TBX4: variants seen among roughly 807,000 people sequenced by gnomAD.
The protein encoded by TBX4 is T-box transcription factor TBX4.
TBX4 carries 13 observed loss-of-function variants against 54.6 expected under a neutral mutation model. That is an observed-to-expected ratio of 0.24 (90% CI 0.15 to 0.38). The LOEUF is 0.38. Ranked by LOEUF, TBX4 falls within the 10% of genes least tolerant of loss-of-function variation. The probability of loss-of-function intolerance (pLI) is 1.00; values close to 1 mark genes in which losing one functional copy is unlikely to be tolerated. For missense variants in TBX4, 631 were observed against 728.5 expected (o/e 0.87, Z 1.54); for synonymous variants, 314 against 306.7 (o/e 1.02, Z -0.25).
rs1040282861 is a variant in TBX4, at chr17:61,457,934, G to T, written c.281+303G>T. Among the ~76,000 whole-genome samples the T allele has an allele frequency of 9.9e-5, 15 of 152,246 alleles. No individual in the cohort carries two copies. The highest frequency in any genetic ancestry group is 5.9e-5 in the Non-Finnish European group (4 of 68,052). The stretch of plus-strand genomic sequence containing the variant: ...TCCAGCACTTTTGGCCCCCTGGGGG[G>T]CTGCTTTGCCCTCCTCTCTTTGAGG... On this transcript the variant is annotated intron_variant, in intron 3 of 8. Transcript: ENST00000644296. This position sits in a 1 kb window ranked among gnomAD's most constrained non-coding sequence, Gnocchi z 8.2.
Position 61,481,899 on chromosome 17 carries a change from T to A in TBX4, c.1022-998T>A, listed in dbSNP as rs1014631584. On this transcript the variant is annotated intron_variant, in intron 8 of 8. Coordinates refer to ENST00000644296, the MANE Select transcript of TBX4 (RefSeq NM_001321120.2). This position sits in a 1 kb window ranked among gnomAD's most constrained non-coding sequence, Gnocchi z 4.8. ...CTCCTGCCTCAGCCTCCCCAGTAGCTGAGATTACAGGTGTATGCCACCATG... is the reference window on the plus strand; with the variant it reads ...CTCCTGCCTCAGCCTCCCCAGTAGCAGAGATTACAGGTGTATGCCACCATG... 6.6e-6 allele frequency: 1 copy of A among 152,318 alleles called. No homozygotes were observed. Among genetic ancestry groups the A allele is most frequent in the Non-Finnish European group, 1.5e-5 (1 of 68,116 alleles). The allele number at this position is 152,318 out of a possible 1,614,324, so 9.4% of individuals were successfully genotyped here. A position where few individuals can be genotyped will look rare whatever the true frequency, so the allele number is the denominator to read the frequency against.
chr17:61,480,026 C>G lies in TBX4; in HGVS notation c.791+57C>G. On this transcript the variant is annotated intron_variant, in intron 7 of 8. Coordinates refer to ENST00000644296, the MANE Select transcript of TBX4 (RefSeq NM_001321120.2). The surrounding 1 kb of genome is among the most constrained non-coding windows in gnomAD (Gnocchi z 6.2). ...CAGATGGGATTCAGGCACGTGGCCT[C>G]TGTGACCCTCGATGTATCTTCACTC... The G allele has an allele frequency of 2.5e-6, 4 of 1,612,392 alleles. No individual in the cohort carries two copies. The highest frequency in any genetic ancestry group is 3.4e-6 in the Non-Finnish European group (4 of 1,178,498).
chr17:61,454,857 G>T lies in TBX4; in HGVS notation c.-3-1631G>T, dbSNP rs187249003. Among the ~76,000 whole-genome samples the T allele has an allele frequency of 1.8e-3, 275 of 152,360 alleles. 2 individuals carry two copies. Among genetic ancestry groups the T allele is most frequent in the African/African-American group, 6.4e-3 (265 of 41,584 alleles). Reference sequence around the variant, plus strand: ...CAAGCGCGAGACGGCCCCTCCTTGCGACCCCGCAGGCCGCCACATCTGGGA... The same window carrying T: ...CAAGCGCGAGACGGCCCCTCCTTGCTACCCCGCAGGCCGCCACATCTGGGA... On this transcript the variant is annotated intron_variant, in intron 1 of 8. Transcript: ENST00000644296.
rs1273533397 is a variant in TBX4 at position 61,478,238 on chromosome 17, TCAAA to T, written c.550-386_550-383del. On this transcript the variant is annotated intron_variant, in intron 5 of 8. Transcript: ENST00000644296. The surrounding 1 kb of genome is among the most constrained non-coding windows in gnomAD (Gnocchi z 7.4). ...GAGAAGCCCAGTGACTTGTCTGAGA[TCAAA>T]CAGTGACTCGGTGGCACCCTGGACT... 3 of 311,598 alleles carry T rather than the reference TCAAA, an allele frequency of 9.6e-6. No individual in the cohort carries two copies. The highest frequency in any genetic ancestry group is 1.2e-5 in the Non-Finnish European group (2 of 160,492). The allele number at this position is 311,598 out of a possible 1,614,324, so 19.3% of individuals were successfully genotyped here.
At position 61,483,767 on chromosome 17, in the gene TBX4, T is replaced by A; in HGVS notation, c.*251T>A. 1 of 518,576 alleles carries A rather than the reference T, an allele frequency of 1.9e-6. No homozygotes were observed. Among genetic ancestry groups the A allele is most frequent in the South Asian group, 2.0e-5 (1 of 50,374 alleles). 32.1% of individuals were successfully genotyped at this position (518,576 alleles called of 1,614,324 possible). A position where few individuals can be genotyped will look rare whatever the true frequency, so the allele number is the denominator to read the frequency against. ...AAGAAGTGATTTTGGCTGCAGGACC[T>A]GGGTCTATTGTTATCTGACATCTCT... On this transcript the variant is annotated 3_prime_UTR_variant, in exon 9 of 9. Coordinates refer to ENST00000644296, the MANE Select transcript of TBX4 (RefSeq NM_001321120.2). This position sits in a 1 kb window ranked among gnomAD's most constrained non-coding sequence, Gnocchi z 6.6.
Position 61,464,684 on chromosome 17 carries a change from G to A in TBX4, c.282-1135G>A, listed in dbSNP as rs546877057. On this transcript the variant is annotated intron_variant, in intron 3 of 8. Coordinates refer to ENST00000644296, the MANE Select transcript of TBX4 (RefSeq NM_001321120.2). The surrounding 1 kb of genome is among the most constrained non-coding windows in gnomAD (Gnocchi z 5.8). ...TGGGGGATGGAGTCTGAGGAGGATC[G>A]TGGGAAGTTCCGTTCTTCCCTCTGG... is the stretch of plus-strand genomic sequence containing the variant. Among the ~76,000 whole-genome samples, 90 of 152,134 alleles carry A rather than the reference G, an allele frequency of 5.9e-4. No homozygotes were observed. Among genetic ancestry groups the A allele is most frequent in the Non-Finnish European group, 1.2e-3 (79 of 68,026 alleles).
intron 8 of TBX4, 123 bp from the exon 9 acceptor site, chr17:61,482,774 C>G (rs2060673253): frequency 1.0e-5 from 15 of 1,430,764 alleles, no homozygotes; most frequent in Non-Finnish European, 1.2e-5. Context: ...TCTGGGAGTG[C>G]CATGGCAACA....
intron 1 of TBX4, chr17:61,452,796 G>A: frequency 3.5e-6 from 2 of 577,390 alleles, no homozygotes; most frequent in Non-Finnish European, 4.4e-6. Flanking sequence ...AGTAGTTGGG[G>A]CACGAGCCCT....
rs1330098340 is a variant in TBX4 at position 61,465,347 on chromosome 17, TGG to T, written c.282-471_282-470del. On this transcript the variant is annotated intron_variant, in intron 3 of 8. Coordinates refer to ENST00000644296, the MANE Select transcript of TBX4 (RefSeq NM_001321120.2). This position sits in a 1 kb window ranked among gnomAD's most constrained non-coding sequence, Gnocchi z 4.9. ...CCCAGAGGAGGCAGCTCATTATTTA[TGG>T]AAGCAGCTGACGGGGGTTTCCGTCC... is the stretch of plus-strand genomic sequence containing the variant. Among the ~76,000 whole-genome samples, 2 of 152,200 alleles carry T rather than the reference TGG, an allele frequency of 1.3e-5. No individual in the cohort carries two copies. Among genetic ancestry groups the T allele is most frequent in the Non-Finnish European group, 2.9e-5 (2 of 68,036 alleles).
rs1408451832 is a variant in TBX4, at chr17:61,483,322, G to T, written c.1447G>T (p.Val483Phe). The T allele has an allele frequency of 1.9e-6, 3 of 1,611,038 alleles. No individual in the cohort carries two copies. Among genetic ancestry groups the T allele is most frequent in the South Asian group, 1.1e-5 (1 of 91,016 alleles). ...CTACAATCAGCTCTCCCAGTCTCAG[G>T]TCCGAGAGCGGGGGCCCAGCGCCTC... ...SVYNQLSQSQ[V>F]RERGPSASFP... The change falls in exon 9 of 9, where the codon GTC (valine) becomes TTC (phenylalanine). Residue 483 changes from valine (V) to phenylalanine (F), a missense_variant. Val to Phe is a conservative substitution (Grantham distance 50). Around this residue, in one of 3 missense-constraint regions of TBX4, gnomAD observed 354 missense variants for 368.9 expected, o/e 0.96. Transcript: ENST00000644296. This position sits in a 1 kb window ranked among gnomAD's most constrained non-coding sequence, Gnocchi z 6.6.
At position 61,462,128 on chromosome 17, in the gene TBX4, C is replaced by T. The variant is rs1349180296; in HGVS notation, c.282-3691C>T. On this transcript the variant is annotated intron_variant, in intron 3 of 8. Coordinates refer to ENST00000644296, the MANE Select transcript of TBX4 (RefSeq NM_001321120.2). This position sits in a 1 kb window ranked among gnomAD's most constrained non-coding sequence, Gnocchi z 4.5. ...AAAGCCCCAAACCCTTGCCCCGCGCCCCGCGCGCCTCCAACACCGAGAAAC... is the reference window on the plus strand; with the variant it reads ...AAAGCCCCAAACCCTTGCCCCGCGCTCCGCGCGCCTCCAACACCGAGAAAC... 1.3e-5 allele frequency among the ~76,000 whole-genome samples: 2 copies of T among 152,198 alleles called. No individual in the cohort carries two copies. Among genetic ancestry groups the T allele is most frequent in the Admixed American group, 6.5e-5 (1 of 15,284 alleles).
At position 61,462,127 on chromosome 17, in the gene TBX4, C is replaced by G. The variant is rs914940065; in HGVS notation, c.282-3692C>G. Among the ~76,000 whole-genome samples the G allele has an allele frequency of 1.3e-5, 2 of 152,198 alleles. No homozygotes were observed. Among genetic ancestry groups the G allele is most frequent in the Non-Finnish European group, 2.9e-5 (2 of 68,034 alleles). On this transcript the variant is annotated intron_variant, in intron 3 of 8. Transcript: ENST00000644296. This position sits in a 1 kb window ranked among gnomAD's most constrained non-coding sequence, Gnocchi z 4.5. ...AAAAGCCCCAAACCCTTGCCCCGCG[C>G]CCCGCGCGCCTCCAACACCGAGAAA...
rs150224277 is a variant in TBX4 at position 61,478,698 on chromosome 17, C to T, written c.621C>T (p.Phe207=). The change falls in exon 6 of 9, where the codon TTC becomes TTT. Residue 207 remains phenylalanine (F), a synonymous_variant. Transcript: ENST00000644296. The surrounding 1 kb of genome is among the most constrained non-coding windows in gnomAD (Gnocchi z 7.4). ...TTAAGGCTGATGAGAACAATGCTTT[C>T]GGCTCCAAAAACACTGCTTTCTGCA... The part of the protein sequence containing the change: ...HIVKADENNA[F]GSKNTAFCTH... The T allele has an allele frequency of 1.3e-4, 211 of 1,614,060 alleles. No homozygotes were observed. The highest frequency in any genetic ancestry group is 1.4e-4 in the Non-Finnish European group (162 of 1,180,044).
chr17:61,454,219 A>C (rs756957607), intron 1 of TBX4, among the ~76,000 whole-genome samples: 1 of 152,394 alleles, frequency 6.6e-6, no homozygotes, highest in Non-Finnish European at 1.5e-5. Context: ...CTACTATGGT[A>C]ATAAGGACAA....
intron 1 of TBX4, among the ~76,000 whole-genome samples, chr17:61,456,029 G>A (rs2060445501): frequency 6.6e-6 from 1 of 152,166 alleles, no homozygotes; most frequent in Admixed American, 6.5e-5. Context: ...CCTGGGCCCT[G>A]CCCTCCAGCC....
At position 61,480,274 on chromosome 17, in the gene TBX4, A is replaced by G; in HGVS notation, c.976A>G (p.Thr326Ala). 3 of 1,613,478 alleles carry G rather than the reference A, an allele frequency of 1.9e-6. No homozygotes were observed. Among genetic ancestry groups the G allele is most frequent in the Non-Finnish European group, 2.5e-6 (3 of 1,179,892 alleles). ...GGACCTGCCCCTCAGCACCTTTCCC[A>G]CCCAGAGGGACTCAAGCCTCTTCTA... ...PQDLPLSTFP[T>A]QRDSSLFYHC... The change falls in exon 8 of 9, where the codon ACC (threonine) becomes GCC (alanine). Residue 326 changes from threonine (T) to alanine (A), a missense_variant. Physicochemically the swap from Thr to Ala is moderately conservative, Grantham distance 58. Transcript: ENST00000644296. This position sits in a 1 kb window ranked among gnomAD's most constrained non-coding sequence, Gnocchi z 6.2.
intron 5 of TBX4, among the ~76,000 whole-genome samples, chr17:61,468,004 G>C (rs1392057431): frequency 2.0e-5 from 3 of 152,200 alleles, no homozygotes; most frequent in African/African-American, 7.2e-5. Flanking sequence ...CTAAATAAAT[G>C]GCAGCTATGA....
Position 61,467,485 on chromosome 17 carries a change from C to T in TBX4, c.402-25C>T, listed in dbSNP as rs927823126. The T allele has an allele frequency of 6.8e-6, 11 of 1,614,076 alleles. No individual in the cohort carries two copies. In the African/African-American group the frequency reaches 1.3e-4, roughly 20 times the overall value. ...CCTCACCAGCCCCTGGAGTAATCAC[C>T]TGCTCTTATCTGCTCTGTTGGCAGG... On this transcript the variant is annotated intron_variant, in intron 4 of 8. Coordinates refer to ENST00000644296, the MANE Select transcript of TBX4 (RefSeq NM_001321120.2).
intron 1 of TBX4, among the ~76,000 whole-genome samples, chr17:61,453,341 G>A (rs899669520): frequency 9.9e-5 from 15 of 152,082 alleles, no homozygotes; most frequent in African/African-American, 3.6e-4. Flanking sequence ...ACTAGCAAAC[G>A]AACTGTAGGA....
Sources: gnomAD v4.1 joint callset for allele counts (sites outside exome capture counted in the v4.1 genomes callset) on GRCh38, gnomAD v4.1.1 for gene constraint, gnomAD v4.1.1 regional missense constraint, Gnocchi (gnomAD v3.1) non-coding constraint, MANE v1.5 for transcripts, NCBI Gene and HGNC (gene_info 2026-07-23, HGNC 2026-07-21) for gene names.